The following CHRDL2 variants were observed in gnomAD, a reference collection of about 807,000 sequenced individuals.
The protein encoded by CHRDL2 is chordin like 2, also known as chordin-like protein 2.
A neutral mutation model predicts 54.3 loss-of-function variants in CHRDL2; 41 were observed. That is an observed-to-expected ratio of 0.76 (90% confidence interval 0.59 to 0.98). The LOEUF (loss-of-function observed/expected upper bound fraction) is 0.98, where lower values mean the gene tolerates loss of function less well. CHRDL2 is among the 50% of genes least tolerant of loss of function. The pLI is 0.00. For missense variants in CHRDL2, 518 were observed against 562.4 expected, an observed-to-expected ratio of 0.92 and a Z score of 0.80; for synonymous variants, 220 against 224.3, an observed-to-expected ratio of 0.98 and a Z score of 0.17.
intron 9 of CHRDL2, among the ~76,000 whole-genome samples, chr11:74,700,651 T>A: frequency 6.7e-6 from 1 of 149,598 alleles, no homozygotes; most frequent in South Asian, 2.1e-4. Flanking sequence ...TTATTTTTTT[T>A]TTTTTGAGAC....
intron 1 of CHRDL2, among the ~76,000 whole-genome samples, chr11:74,728,572 C>G (rs192061856): frequency 1.3e-5 from 2 of 151,790 alleles, no homozygotes; most frequent in African/African-American, 4.8e-5. Context: ...TGAGGTCTCA[C>G]CATGTTCCCC....
At chr11:74,720,592 T>C (rs2034479746) in intron 1 of CHRDL2, among the ~76,000 whole-genome samples, 2 of 131,890 alleles carry the variant, frequency 1.5e-5, no homozygotes, top group Admixed American at 9.0e-5. Flanking sequence ...AGAAGCTGCC[T>C]CTCATGCCTC....
chr11:74,699,889 G>A (rs1220515274), intron 9 of CHRDL2, among the ~76,000 whole-genome samples: 2 of 152,258 alleles, frequency 1.3e-5, no homozygotes, highest in Non-Finnish European at 2.9e-5. Flanking sequence ...GCAACCCACA[G>A]GGTGAGGAGA....
intron 2 of CHRDL2, 38 bp downstream of exon 2, chr11:74,718,682 T>C (rs1164287605): frequency 7.3e-7 from 1 of 1,378,254 alleles, no homozygotes; most frequent in Admixed American, 1.8e-5. Context: ...TTCTCAGACA[T>C]CCCTGACACA....
intron 10 of CHRDL2, 93 bp downstream of exon 10, chr11:74,697,112 C>T (rs537274454): frequency 5.8e-5 from 56 of 963,176 alleles, no homozygotes; most frequent in East Asian, 5.1e-4. Flanking sequence ...CCCCTCCTCC[C>T]GGCACCAGCA....
intron 3 of CHRDL2, among the ~76,000 whole-genome samples, chr11:74,713,024 A>T (rs1187699868): frequency 6.6e-6 from 1 of 152,064 alleles, no homozygotes; most frequent in Non-Finnish European, 1.5e-5. Flanking sequence ...AGGACCTTCA[A>T]GCCCAAGATC....
chr11:74,711,842 G>A (rs2034202926), intron 3 of CHRDL2, among the ~76,000 whole-genome samples: 1 of 150,480 alleles, frequency 6.6e-6, no homozygotes, highest in South Asian at 2.1e-4. Flanking sequence ...AGAGGGTCCT[G>A]CTCTGTCACC....
intron 9 of CHRDL2, among the ~76,000 whole-genome samples, chr11:74,700,011 G>A (rs1318373539): frequency 6.6e-6 from 1 of 152,252 alleles, no homozygotes; most frequent in African/African-American, 2.4e-5. Context: ...TGCCCCCACT[G>A]TGCCATCCTG....
chr11:74,714,077 G>A (rs2034275791), intron 2 of CHRDL2, among the ~76,000 whole-genome samples: 1 of 152,204 alleles, frequency 6.6e-6, no homozygotes, highest in African/African-American at 2.4e-5. Flanking sequence ...GCGAACATAC[G>A]CAGAGAGAGA....
At chr11:74,698,256 T>C (rs2033672899) in intron 9 of CHRDL2, 2 of 108,524 alleles carry the variant, frequency 1.8e-5, no homozygotes, top group Admixed American at 9.1e-5. Flanking sequence ...GTATTTTTAG[T>C]AGAGACTGGG....
intron 1 of CHRDL2, among the ~76,000 whole-genome samples, chr11:74,722,790 T>C (rs1363831987): frequency 1.3e-5 from 2 of 152,078 alleles, no homozygotes; most frequent in Non-Finnish European, 2.9e-5. Context: ...TTGCCTCAAC[T>C]CACCTCAGGC....
At chr11:74,715,360 T>C (rs2034319806) in intron 2 of CHRDL2, among the ~76,000 whole-genome samples, 2 of 152,134 alleles carry the variant, frequency 1.3e-5, no homozygotes, top group Admixed American at 1.3e-4. Context: ...TCCCAGCACT[T>C]TGGGAGGCCG....
chr11:74,728,866 T>C (rs1264775709), intron 1 of CHRDL2, among the ~76,000 whole-genome samples: 1 of 152,218 alleles, frequency 6.6e-6, no homozygotes, highest in Non-Finnish European at 1.5e-5. Context: ...CACCTCACCC[T>C]AATGAGTTGG....
intron 1 of CHRDL2, among the ~76,000 whole-genome samples, chr11:74,724,039 C>G (rs2034536269): frequency 6.6e-6 from 1 of 152,178 alleles, no homozygotes; most frequent in African/African-American, 2.4e-5. Context: ...AAGTCACCTC[C>G]TGAAGGAGCT....
chr11:74,703,176 C>A, intron 8 of CHRDL2, 129 bp downstream of exon 8: 1 of 1,170,388 alleles, frequency 8.5e-7, no homozygotes, highest in South Asian at 1.6e-5. Flanking sequence ...GTCTGACATG[C>A]CCTGCATCCT....
chr11:74,728,528 TTTG>T (rs5742048), intron 1 of CHRDL2, among the ~76,000 whole-genome samples: 53,973 of 150,530 alleles, frequency 0.36, 11,290 homozygotes, highest in African/African-American at 0.59. Context: ...TGTTCTGTTT[TTTG>T]TTGTTGTTGT....
chr11:74,711,332 G>C (rs1249205592), intron 3 of CHRDL2, among the ~76,000 whole-genome samples: 2 of 152,232 alleles, frequency 1.3e-5, no homozygotes, highest in Non-Finnish European at 2.9e-5. Context: ...TTTAATGAGG[G>C]TTCATGGAGC....
At chr11:74,718,480 G>C (rs867023950) in intron 2 of CHRDL2, among the ~76,000 whole-genome samples, 1 of 152,216 alleles carries the variant, frequency 6.6e-6, no homozygotes, top group Non-Finnish European at 1.5e-5. Context: ...TGTGAGATGG[G>C]AGACCAGGGC....
At position 74,731,060 on chromosome 11, in the gene CHRDL2, G is replaced by A. The variant is rs997610766; in HGVS notation, c.-172C>T. On this transcript the variant is annotated 5_prime_UTR_variant, in exon 1 of 11. Transcript: ENST00000376332. The surrounding 1 kb of genome is among the most constrained non-coding windows in gnomAD (Gnocchi z 4.4). ...AGCGGTGGGCAGGAAAGGAGGGCAG[G>A]AAGGGAGGTCTAAGGTGGGAAGAAG... is the stretch of plus-strand genomic sequence containing the variant. 1.8e-5 allele frequency: 11 copies of A among 604,514 alleles called. No individual in the cohort carries two copies. The African/African-American group carries it at 1.9e-4, about 10-fold the overall frequency. 37.4% of individuals were successfully genotyped at this position (604,514 alleles called of 1,614,324 possible). A position where few individuals can be genotyped will look rare whatever the true frequency, so the allele number is the denominator to read the frequency against.
Sources: allele counts gnomAD v4.1 joint callset (sites outside exome capture counted in the v4.1 genomes callset), GRCh38; gene constraint gnomAD v4.1.1; non-coding constraint Gnocchi (gnomAD v3.1); transcripts MANE v1.5; gene names NCBI Gene and HGNC (gene_info 2026-07-23, HGNC 2026-07-21).